The following PRKCH variants were observed in gnomAD, a reference collection of about 807,000 sequenced individuals.
PRKCH encodes protein kinase C eta, also known as protein kinase C eta type.
PRKCH carries 28 observed loss-of-function variants against 82.5 expected under a neutral mutation model. That is an observed-to-expected ratio of 0.34 (90% CI 0.25 to 0.47). The LOEUF is 0.47. Ranked by LOEUF, PRKCH falls within the 20% of genes least tolerant of loss-of-function variation. The pLI is 1.00. For missense variants in PRKCH, 705 were observed against 881.8 expected, an observed-to-expected ratio of 0.80 and a Z score of 2.54; for synonymous variants, 322 against 327.4, an observed-to-expected ratio of 0.98 and a Z score of 0.18.
intron 10 of PRKCH, among the ~76,000 whole-genome samples, chr14:61,495,198 A>G (rs1302058740): frequency 6.6e-6 from 1 of 152,206 alleles, no homozygotes; most frequent in Non-Finnish European, 1.5e-5. Context: ...CAAAGGACCT[A>G]ACTTTATAAC....
intron 1 of PRKCH, among the ~76,000 whole-genome samples, chr14:61,379,942 C>T: frequency 6.6e-6 from 1 of 152,160 alleles, no homozygotes; most frequent in Admixed American, 6.6e-5. Context: ...GGAGGGGATG[C>T]ACAATTACTC....
intron 9 of PRKCH, among the ~76,000 whole-genome samples, chr14:61,460,248 A>C (rs1594730962): frequency 6.6e-6 from 1 of 152,150 alleles, no homozygotes; most frequent in Non-Finnish European, 1.5e-5. Context: ...ATAGTACTCC[A>C]TTTTAGAACA....
At chr14:61,403,171 G>C (rs1594667862) in intron 2 of PRKCH, among the ~76,000 whole-genome samples, 1 of 152,168 alleles carries the variant, frequency 6.6e-6, no homozygotes, top group South Asian at 2.1e-4. Context: ...TAATGGAATT[G>C]TTATTGTTTT....
chr14:61,531,444 G>GT (rs1184759674), intron 12 of PRKCH, among the ~76,000 whole-genome samples: 1 of 152,182 alleles, frequency 6.6e-6, no homozygotes, highest in Non-Finnish European at 1.5e-5. Flanking sequence ...TATCCTTTCA[G>GT]TAATTTGAGA....
intron 1 of PRKCH, among the ~76,000 whole-genome samples, chr14:61,243,353 G>A (rs1356630102): frequency 1.4e-5 from 2 of 139,040 alleles, no homozygotes; most frequent in Non-Finnish European, 3.0e-5. Flanking sequence ...AATGGAGATC[G>A]AGCCTGGGCG....
At chr14:61,232,559 G>A (rs2044753156) in intron 1 of PRKCH, among the ~76,000 whole-genome samples, 1 of 152,226 alleles carries the variant, frequency 6.6e-6, no homozygotes, top group African/African-American at 2.4e-5. Context: ...GCCAGATGAA[G>A]AGATACAAAT....
At chr14:61,262,351 C>T (rs533324437) in intron 1 of PRKCH, among the ~76,000 whole-genome samples, 201 of 152,050 alleles carry the variant, frequency 1.3e-3, no homozygotes, top group Non-Finnish European at 2.2e-3. Context: ...CACTACTCAG[C>T]AATAAAAAGG....
intron 1 of PRKCH, among the ~76,000 whole-genome samples, chr14:61,289,093 T>G (rs2045339553): frequency 6.6e-6 from 1 of 152,220 alleles, no homozygotes; most frequent in South Asian, 2.1e-4. Flanking sequence ...GCTTTGACTC[T>G]GGCACCAGTG....
At chr14:61,449,805 G>A (rs1436190682) in intron 5 of PRKCH, among the ~76,000 whole-genome samples, 1 of 151,440 alleles carries the variant, frequency 6.6e-6, no homozygotes, top group Admixed American at 6.6e-5. Flanking sequence ...TGTTTCCTAA[G>A]TAAAAAGATT....
intron 1 of PRKCH, among the ~76,000 whole-genome samples, chr14:61,342,949 A>G (rs753803348): frequency 1.3e-5 from 2 of 152,242 alleles, no homozygotes; most frequent in Non-Finnish European, 2.9e-5. Context: ...CTCATTCTCA[A>G]GATAGCCAAG....
At chr14:61,314,286 G>A (rs1172341722) in intron 1 of PRKCH, among the ~76,000 whole-genome samples, 1 of 152,070 alleles carries the variant, frequency 6.6e-6, no homozygotes, top group Non-Finnish European at 1.5e-5. Context: ...TGGCAGCAAG[G>A]TTTTCCAGGG....
chr14:61,414,140 G>C (rs1015694361), intron 2 of PRKCH, among the ~76,000 whole-genome samples: 1 of 152,024 alleles, frequency 6.6e-6, no homozygotes, highest in Non-Finnish European at 1.5e-5. Flanking sequence ...CTGGTCATCT[G>C]TTTCAGTCTG....
intron 2 of PRKCH, among the ~76,000 whole-genome samples, chr14:61,391,979 C>G (rs924636947): frequency 2.6e-5 from 4 of 152,112 alleles, no homozygotes; most frequent in Non-Finnish European, 1.5e-5. Context: ...GTTTTACCTA[C>G]CCTAGAAGTT....
intron 10 of PRKCH, among the ~76,000 whole-genome samples, chr14:61,511,606 C>G (rs1887377831): frequency 6.6e-6 from 1 of 152,232 alleles, no homozygotes; most frequent in South Asian, 2.1e-4. Context: ...GCATAAACTA[C>G]AAAGGCGCAC....
At chr14:61,253,099 A>G (rs1286780402) in intron 1 of PRKCH, among the ~76,000 whole-genome samples, 1 of 152,230 alleles carries the variant, frequency 6.6e-6, no homozygotes, top group Admixed American at 6.5e-5. Context: ...AAACTCTATG[A>G]GATTAAAAAC....
intron 2 of PRKCH, among the ~76,000 whole-genome samples, chr14:61,430,126 G>C (rs564827093): frequency 6.6e-6 from 1 of 152,098 alleles, no homozygotes; most frequent in East Asian, 1.9e-4. Flanking sequence ...TCAATGAAAA[G>C]ACAAACAGCC....
Position 61,280,091 on chromosome 14 carries a change from A to C in PRKCH, c.-19+92423A>C, listed in dbSNP as rs2045242596. 1.2e-6 allele frequency: 2 copies of C among 1,604,804 alleles called. No homozygotes were observed. Among genetic ancestry groups the C allele is most frequent in the South Asian group, 1.1e-5 (1 of 89,700 alleles). Reference sequence around the variant, plus strand: ...CAGGAGGGATCCCTGGAAAGCCGGAATCACTCCTCGTCGTCGTCGTCCTGG... The same window carrying C: ...CAGGAGGGATCCCTGGAAAGCCGGACTCACTCCTCGTCGTCGTCGTCCTGG... On this transcript the variant is annotated intron_variant, in intron 1 of 3. Coordinates refer to the PRKCH transcript ENST00000555185. This position sits in a 1 kb window ranked among gnomAD's most constrained non-coding sequence, Gnocchi z 5.0.
At chr14:61,279,569 C>T (rs978835468) in intron 1 of PRKCH, 2 of 153,386 alleles carry the variant, frequency 1.3e-5, no homozygotes, top group Admixed American at 6.5e-5. Context: ...GCATATTTAA[C>T]AAGCATGTTC....
At chr14:61,343,049 G>A (rs551004641) in intron 1 of PRKCH, among the ~76,000 whole-genome samples, 12 of 152,258 alleles carry the variant, frequency 7.9e-5, no homozygotes, top group Non-Finnish European at 1.5e-4. Context: ...TTACCAATTC[G>A]TCTCACACAG....
Sources: gnomAD v4.1 joint callset for allele counts (sites outside exome capture counted in the v4.1 genomes callset) on GRCh38, gnomAD v4.1.1 for gene constraint, Gnocchi (gnomAD v3.1) non-coding constraint, MANE v1.5 for transcripts, NCBI Gene and HGNC (gene_info 2026-07-23, HGNC 2026-07-21) for gene names.